NOL4: variants seen among roughly 807,000 people sequenced by gnomAD.
NOL4 encodes nucleolar protein 4, also known as cancer/testis antigen 125.
NOL4 carries 17 observed loss-of-function variants against 75.9 expected under a neutral mutation model. That is an observed-to-expected ratio of 0.22 (90% confidence interval 0.15 to 0.34). The LOEUF (loss-of-function observed/expected upper bound fraction) is 0.34. Among genes scored for constraint, NOL4 ranks in the 10% least tolerant of loss-of-function variants. The pLI is 1.00. For synonymous variants in NOL4, 292 were observed against 289.9 expected (o/e 1.01, Z -0.07); for missense variants, 614 against 793.5 (o/e 0.77, Z 2.72).
chr18:34,203,428 A>C (rs1310188239), intron 1 of NOL4, among the ~76,000 whole-genome samples: 2 of 151,960 alleles, frequency 1.3e-5, no homozygotes, highest in Non-Finnish European at 2.9e-5. Flanking sequence ...ATGCAGACAC[A>C]CCACACACAC....
In NOL4 at chr18:34,185,648, T is replaced by C. The variant is rs1406610979; in HGVS notation, c.264+37342A>G. Among the ~76,000 whole-genome samples the C allele has an allele frequency of 2.6e-5, 4 of 152,302 alleles. No homozygotes were observed. The East Asian group carries it at 7.7e-4, about 29-fold the overall frequency. ...TCTTTTCAATTGTGTTCCATGAGAATCTCTTGTTTCTCATTAAGTTCTATT... is the reference window on the plus strand; with the variant it reads ...TCTTTTCAATTGTGTTCCATGAGAACCTCTTGTTTCTCATTAAGTTCTATT... On this transcript the variant is annotated intron_variant, in intron 1 of 10. Coordinates refer to ENST00000261592, the MANE Select transcript of NOL4 (RefSeq NM_003787.5).
intron 1 of NOL4, among the ~76,000 whole-genome samples, chr18:34,137,779 T>TATACACACACACAC (rs1354745785): frequency 0.1 from 15,341 of 146,950 alleles, 963 homozygotes; most frequent in Non-Finnish European, 0.15. Flanking sequence ...ATATACGAAA[T>TATACACACACACAC]ACACACACAC....
chr18:34,035,038 C>G (rs900639307), intron 5 of NOL4, among the ~76,000 whole-genome samples: 1 of 152,142 alleles, frequency 6.6e-6, no homozygotes, highest in East Asian at 1.9e-4. Context: ...ACACCCTACT[C>G]TAAGCATTAC....
In NOL4 at chr18:34,057,856, C is replaced by T. The variant is rs565072562; in HGVS notation, c.772+35609G>A. 4.0e-4 allele frequency among the ~76,000 whole-genome samples: 61 copies of T among 152,142 alleles called. 1 individual carries two copies. In the South Asian group the frequency reaches 0.012, roughly 31 times the overall value. On this transcript the variant is annotated intron_variant, in intron 5 of 10. Coordinates refer to ENST00000261592, the MANE Select transcript of NOL4 (RefSeq NM_003787.5). ...ACAGTGTAAGTTACTAACACATTTG[C>T]CTACTTTATCTTTAAGCTTCTATGA...
rs2068473528 is a variant in NOL4 at position 33,941,515 on chromosome 18, G to A, written c.1542+1550C>T. On this transcript the variant is annotated intron_variant, in intron 9 of 10. Coordinates refer to ENST00000261592, the MANE Select transcript of NOL4 (RefSeq NM_003787.5). ...ATCTGAGGTAGTGTTATTAATGCCT[G>A]CTTCTAGTTAACTGATATCAATACA... Among the ~76,000 whole-genome samples, 3 of 151,926 alleles carry A rather than the reference G, an allele frequency of 2.0e-5. No individual in the cohort carries two copies. In the South Asian group the frequency reaches 6.2e-4, roughly 32 times the overall value.
intron 1 of NOL4, among the ~76,000 whole-genome samples, chr18:34,145,748 C>T (rs1372532159): frequency 1.3e-5 from 2 of 151,912 alleles, no homozygotes; most frequent in Non-Finnish European, 2.9e-5. Flanking sequence ...CAATTTTTAA[C>T]TTGAAATACT....
intron 1 of NOL4, among the ~76,000 whole-genome samples, chr18:34,134,140 A>C (rs1022189932): frequency 6.6e-6 from 1 of 152,142 alleles, no homozygotes; most frequent in Non-Finnish European, 1.5e-5. Context: ...GATGTTTTAC[A>C]TGTGTGTGTC....
At chr18:33,952,854 G>A (rs2069340134) in intron 8 of NOL4, among the ~76,000 whole-genome samples, 1 of 152,174 alleles carries the variant, frequency 6.6e-6, no homozygotes, top group African/African-American at 2.4e-5. Context: ...AAACCGGGAG[G>A]TGGAGGTTGC....
chr18:34,108,286 G>T (rs1365308363), intron 2 of NOL4, among the ~76,000 whole-genome samples: 2 of 151,890 alleles, frequency 1.3e-5, no homozygotes, highest in Non-Finnish European at 2.9e-5. Context: ...ACCAAGAAAG[G>T]AAGAAAAGAA....
chr18:33,972,883 G>T (rs971169667), intron 6 of NOL4, among the ~76,000 whole-genome samples: 1 of 152,164 alleles, frequency 6.6e-6, no homozygotes, highest in Admixed American at 6.5e-5. Flanking sequence ...GCTGGAAGAA[G>T]GTCTTGCCCC....
chr18:33,859,730 C>T (rs2063004713), intron 10 of NOL4, among the ~76,000 whole-genome samples: 1 of 151,986 alleles, frequency 6.6e-6, no homozygotes, highest in Non-Finnish European at 1.5e-5. Flanking sequence ...ACCAGCCTGA[C>T]CAACATGGTG....
At chr18:33,951,529 A>G (rs1210045570) in intron 8 of NOL4, among the ~76,000 whole-genome samples, 1 of 152,020 alleles carries the variant, frequency 6.6e-6, no homozygotes, top group Non-Finnish European at 1.5e-5. Flanking sequence ...CAATTCTGAA[A>G]AATTCTTCAT....
intron 1 of NOL4, among the ~76,000 whole-genome samples, chr18:34,195,349 T>C (rs927527510): frequency 6.6e-6 from 1 of 152,158 alleles, no homozygotes; most frequent in African/African-American, 2.4e-5. Context: ...CTATTGACAA[T>C]TGGCATCATC....
Position 33,986,833 on chromosome 18 carries a change from T to C in NOL4, c.1057-28415A>G, listed in dbSNP as rs193168022. Among the ~76,000 whole-genome samples, 19 of 152,310 alleles carry C rather than the reference T, an allele frequency of 1.2e-4. No individual in the cohort carries two copies. In the East Asian group the frequency reaches 3.3e-3, roughly 26 times the overall value. On this transcript the variant is annotated intron_variant, in intron 6 of 10. Coordinates refer to ENST00000261592, the MANE Select transcript of NOL4 (RefSeq NM_003787.5). ...TGTTTGTAAATGTTTACAGCCACTT[T>C]ATTTATAATTGCAAAAAAACTGGAG...
At chr18:34,067,855 T>C (rs1340947730) in intron 5 of NOL4, among the ~76,000 whole-genome samples, 1 of 151,982 alleles carries the variant, frequency 6.6e-6, no homozygotes, top group Non-Finnish European at 1.5e-5. Context: ...TCCTGTTGGG[T>C]ATATAAGCCT....
chr18:33,970,579 A>G (rs1308581976), intron 6 of NOL4, among the ~76,000 whole-genome samples: 1 of 152,204 alleles, frequency 6.6e-6, no homozygotes, highest in East Asian at 1.9e-4. Context: ...TAAGGCCTAT[A>G]CTTTAAAAAT....
intron 5 of NOL4, among the ~76,000 whole-genome samples, chr18:34,047,855 A>G (rs1025750968): frequency 1.1e-4 from 16 of 152,106 alleles, no homozygotes; most frequent in Non-Finnish European, 1.6e-4. Context: ...AGGTATACAC[A>G]TTGCACATGC....
At chr18:34,078,664 T>C (rs1439884400) in intron 5 of NOL4, among the ~76,000 whole-genome samples, 6 of 152,240 alleles carry the variant, frequency 3.9e-5, no homozygotes, top group African/African-American at 1.4e-4. Flanking sequence ...AATAATTCAA[T>C]AATTACTTAC....
At chr18:34,043,440 G>A (rs2076226445) in intron 5 of NOL4, among the ~76,000 whole-genome samples, 1 of 151,832 alleles carries the variant, frequency 6.6e-6, no homozygotes. Flanking sequence ...TTTTTACAGA[G>A]ATCAAAGTTA....
Sources: allele counts gnomAD v4.1 joint callset (sites outside exome capture counted in the v4.1 genomes callset), GRCh38; gene constraint gnomAD v4.1.1; transcripts MANE v1.5; gene names NCBI Gene and HGNC (gene_info 2026-07-23, HGNC 2026-07-21).